Variants in PHACTR2 observed in about 807,000 individuals in gnomAD.
The protein encoded by PHACTR2 is phosphatase and actin regulator 2.
Under a neutral mutation model 76.0 loss-of-function variants are expected in PHACTR2, and 30 were observed. The observed-to-expected ratio is 0.39, with a 90% confidence interval of 0.30 to 0.54. The LOEUF (loss-of-function observed/expected upper bound fraction) is 0.54. Ranked by LOEUF, PHACTR2 falls within the 20% of genes least tolerant of loss-of-function variation. The pLI is 0.61. For synonymous variants in PHACTR2, 292 were observed against 292.5 expected (o/e 1.00, Z 0.02); for missense variants, 696 against 781.1 (o/e 0.89, Z 1.30).
At chr6:143,799,319 A>G (rs1775902363) in intron 11 of PHACTR2, among the ~76,000 whole-genome samples, 1 of 152,064 alleles carries the variant, frequency 6.6e-6, no homozygotes, top group Non-Finnish European at 1.5e-5. Flanking sequence ...TATTTTGTTA[A>G]TCTTTTCAAA....
In PHACTR2 at chr6:143,751,845, AT is replaced by A. The variant is rs1562293319; in HGVS notation, c.296-1905del. Among the ~76,000 whole-genome samples, 1 of 148,390 alleles carries A rather than the reference AT, an allele frequency of 6.7e-6. No homozygotes were observed. Among genetic ancestry groups the A allele is most frequent in the African/African-American group, 2.5e-5 (1 of 40,382 alleles). ...ACACACTATATCAAGGATTTAACTT[AT>A]TTTAATTCTAAAACAACTTCCTTAA... On this transcript the variant is annotated intron_variant, in intron 3 of 12. Transcript: ENST00000440869. This position sits in a 1 kb window ranked among gnomAD's most constrained non-coding sequence, Gnocchi z 5.7.
At position 143,602,038 on chromosome 6, in the gene PHACTR2, A is replaced by T. The variant is rs577377415; in HGVS notation, c.217+64831A>T. Among the ~76,000 whole-genome samples the T allele has an allele frequency of 6.6e-6, 1 of 152,356 alleles. No homozygotes were observed. On this transcript the variant is annotated intron_variant, in intron 1 of 11. Transcript: ENST00000367584. This position sits in a 1 kb window ranked among gnomAD's most constrained non-coding sequence, Gnocchi z 6.1. ...ATTTATCATTTTTTATGTTAGGAACATTCCAATTCCACTCTTTTAGTTATT... is the reference window on the plus strand; with the variant it reads ...ATTTATCATTTTTTATGTTAGGAACTTTCCAATTCCACTCTTTTAGTTATT...
intron 11 of PHACTR2, among the ~76,000 whole-genome samples, chr6:143,802,589 A>G (rs148263386): frequency 6.8e-4 from 97 of 143,012 alleles, no homozygotes; most frequent in African/African-American, 2.4e-3. Context: ...TGAGGCTACA[A>G]TGAGCTGTGA....
At position 143,541,915 on chromosome 6, in the gene PHACTR2, G is replaced by A. The variant is rs4896666; in HGVS notation, c.217+4708G>A. On this transcript the variant is annotated intron_variant, in intron 1 of 11. Coordinates refer to the PHACTR2 transcript ENST00000367584. The surrounding 1 kb of genome is among the most constrained non-coding windows in gnomAD (Gnocchi z 5.3). ...TTGATGCTTTGTGCTCCGAAAGGGT[G>A]TCTGGGTCCCAAGAGGCTTCTGAGC... Among the ~76,000 whole-genome samples the A allele has an allele frequency of 6.6e-6, 1 of 152,188 alleles. No homozygotes were observed. The highest frequency in any genetic ancestry group is 1.5e-5 in the Non-Finnish European group (1 of 68,038).
chr6:143,632,292 A>G (rs1037706717), intron 1 of PHACTR2, among the ~76,000 whole-genome samples: 6 of 152,188 alleles, frequency 3.9e-5, no homozygotes, highest in Admixed American at 3.3e-4. Context: ...GAATAAGAAT[A>G]TTTTTAATAT....
chr6:143,797,995 G>A (rs1423425510), intron 11 of PHACTR2, among the ~76,000 whole-genome samples: 2 of 152,182 alleles, frequency 1.3e-5, no homozygotes, highest in Non-Finnish European at 2.9e-5. Context: ...GGGCAGTAAG[G>A]CCATTTTCAC....
intron 1 of PHACTR2, among the ~76,000 whole-genome samples, chr6:143,613,293 T>C (rs1313940174): frequency 6.6e-6 from 1 of 152,268 alleles, no homozygotes; most frequent in Non-Finnish European, 1.5e-5. Flanking sequence ...GATATTTTTC[T>C]AAGCAAAAAG....
At position 143,625,172 on chromosome 6, in the gene PHACTR2, A is replaced by G. The variant is rs542236685; in HGVS notation, c.13+16850A>G. On this transcript the variant is annotated intron_variant, in intron 1 of 11. Coordinates refer to the PHACTR2 transcript ENST00000305766. The surrounding 1 kb of genome is among the most constrained non-coding windows in gnomAD (Gnocchi z 4.3). ...ATGAGACTTCATCTCAAAAAAAAAAAGTATAGTCAAGGAATATGGTGTTAT... is the reference window on the plus strand; with the variant it reads ...ATGAGACTTCATCTCAAAAAAAAAAGGTATAGTCAAGGAATATGGTGTTAT... 6.6e-6 allele frequency among the ~76,000 whole-genome samples: 1 copy of G among 152,104 alleles called. No homozygotes were observed. Among genetic ancestry groups the G allele is most frequent in the South Asian group, 2.1e-4 (1 of 4,816 alleles).
chr6:143,714,406 T>C (rs1778255120), intron 2 of PHACTR2, among the ~76,000 whole-genome samples: 2 of 152,204 alleles, frequency 1.3e-5, no homozygotes. Flanking sequence ...TGGTAGTAGA[T>C]AGGATGTAAC....
chr6:143,753,632 AGG>A lies in PHACTR2; in HGVS notation c.296-120_296-119del. The A allele has an allele frequency of 1.6e-6, 1 of 644,342 alleles. No homozygotes were observed. Among genetic ancestry groups the A allele is most frequent in the Non-Finnish European group, 2.7e-6 (1 of 368,122 alleles). 39.9% of individuals were successfully genotyped at this position (644,342 alleles called of 1,614,324 possible). On this transcript the variant is annotated intron_variant, in intron 3 of 12. Transcript: ENST00000440869. This position sits in a 1 kb window ranked among gnomAD's most constrained non-coding sequence, Gnocchi z 4.6. ...TTTGAATAAACCGGTGAAACAGTGC[AGG>A]GTGTATTTGGTTCCCAGGGACTGAA...
rs1159912619 is a variant in PHACTR2, at chr6:143,757,264, CATG to C, written c.455-3135_455-3133del. The stretch of plus-strand genomic sequence containing the variant: ...TGAAAAATGGCCTTTGCCTTAAGAG[CATG>C]ACCTGTGAGGAGACCAGAATGCAAA... On this transcript the variant is annotated intron_variant, in intron 4 of 12. Transcript: ENST00000440869. The surrounding 1 kb of genome is among the most constrained non-coding windows in gnomAD (Gnocchi z 4.2). 9.8e-5 allele frequency among the ~76,000 whole-genome samples: 15 copies of C among 152,318 alleles called. No homozygotes were observed. The Middle Eastern group carries it at 0.014, about 138-fold the overall frequency.
rs1447984958 is a variant in PHACTR2, at chr6:143,580,999, C to T, written c.217+43792C>T. 1.3e-5 allele frequency among the ~76,000 whole-genome samples: 2 copies of T among 152,164 alleles called. No individual in the cohort carries two copies. Among genetic ancestry groups the T allele is most frequent in the Non-Finnish European group, 2.9e-5 (2 of 68,026 alleles). On this transcript the variant is annotated intron_variant, in intron 1 of 11. Coordinates refer to the PHACTR2 transcript ENST00000367584. This position sits in a 1 kb window ranked among gnomAD's most constrained non-coding sequence, Gnocchi z 4.2. ...GATATCCTATAAAAGTCTTCCATTA[C>T]AGAACACCTACACATCAGGAGCTCA...
intron 1 of PHACTR2, among the ~76,000 whole-genome samples, chr6:143,655,157 C>CA (rs151076366): frequency 0.23 from 22,928 of 98,692 alleles, 2,196 homozygotes; most frequent in East Asian, 0.41. Context: ...AACTCCGTCT[C>CA]AAAAAAAAAA....
intron 1 of PHACTR2, among the ~76,000 whole-genome samples, chr6:143,638,199 G>C (rs1042231458): frequency 1.3e-5 from 2 of 152,110 alleles, no homozygotes; most frequent in Non-Finnish European, 1.5e-5. Flanking sequence ...GTATTGCTGA[G>C]AGCTTGATTG....
intron 1 of PHACTR2, among the ~76,000 whole-genome samples, chr6:143,701,868 C>A (rs1035861169): frequency 1.3e-5 from 2 of 152,138 alleles, no homozygotes; most frequent in South Asian, 4.1e-4. Context: ...AAGACTGATA[C>A]ACTCAGCACA....
In PHACTR2 at chr6:143,803,417, G is replaced by A. The variant is rs1052448627; in HGVS notation, c.1846-3640G>A. ...CAAAAAATTAGCCAGGCATGATGGC[G>A]CACACCTGTAGGCCCAGCCACTCAG... On this transcript the variant is annotated intron_variant, in intron 11 of 12. Coordinates refer to ENST00000440869, the MANE Select transcript of PHACTR2 (RefSeq NM_001100164.2). The surrounding 1 kb of genome is among the most constrained non-coding windows in gnomAD (Gnocchi z 4.7). Among the ~76,000 whole-genome samples the A allele has an allele frequency of 3.3e-5, 5 of 152,118 alleles. No homozygotes were observed. The highest frequency in any genetic ancestry group is 9.7e-5 in the African/African-American group (4 of 41,418).
chr6:143,630,558 A>G (rs926714070), intron 1 of PHACTR2, among the ~76,000 whole-genome samples: 1 of 152,204 alleles, frequency 6.6e-6, no homozygotes, highest in African/African-American at 2.4e-5. Flanking sequence ...GCAGGATTAA[A>G]TGAGTTAACC....
chr6:143,667,331 T>C (rs1010914011), intron 1 of PHACTR2, among the ~76,000 whole-genome samples: 3 of 152,238 alleles, frequency 2.0e-5, no homozygotes, highest in Non-Finnish European at 4.4e-5. Context: ...AGCTTTGTTC[T>C]TTTTGCTTAG....
chr6:143,818,322 C>T lies in PHACTR2; in HGVS notation c.1923-5352C>T, dbSNP rs565431948. ...GTTAGGAAGACAGTCTGGAGCATAG[C>T]GCGTCCACTTACCAGCTGTCTCTCT... is the stretch of plus-strand genomic sequence containing the variant. On this transcript the variant is annotated intron_variant, in intron 12 of 12. Coordinates refer to ENST00000440869, the MANE Select transcript of PHACTR2 (RefSeq NM_001100164.2). This position sits in a 1 kb window ranked among gnomAD's most constrained non-coding sequence, Gnocchi z 4.9. Among the ~76,000 whole-genome samples the T allele has an allele frequency of 8.5e-5, 13 of 152,266 alleles. No homozygotes were observed. Among genetic ancestry groups the T allele is most frequent in the South Asian group, 4.1e-4 (2 of 4,822 alleles).
Sources: allele counts gnomAD v4.1 joint callset (sites outside exome capture counted in the v4.1 genomes callset), GRCh38; gene constraint gnomAD v4.1.1; non-coding constraint Gnocchi (gnomAD v3.1); transcripts MANE v1.5; gene names NCBI Gene and HGNC (gene_info 2026-07-23, HGNC 2026-07-21).